The following PRKAR1B variants were observed in gnomAD, a reference collection of about 807,000 sequenced individuals.
The protein encoded by PRKAR1B is cAMP-dependent protein kinase type I-beta regulatory subunit.
A neutral mutation model predicts 46.5 loss-of-function variants in PRKAR1B; 22 were observed. That is an observed-to-expected ratio of 0.47 (90% CI 0.34 to 0.68). The LOEUF (loss-of-function observed/expected upper bound fraction) is 0.68, where lower values mean the gene tolerates loss of function less well. Among genes scored for constraint, PRKAR1B ranks in the 30% least tolerant of loss-of-function variants. PRKAR1B has a pLI of 0.01. For missense variants in PRKAR1B, 445 were observed against 535.6 expected, an observed-to-expected ratio of 0.83 and a Z score of 1.67; for synonymous variants, 259 against 217.7, an observed-to-expected ratio of 1.19 and a Z score of -1.67.
intron 4 of PRKAR1B, among the ~76,000 whole-genome samples, chr7:620,024 T>C (rs1562567562): frequency 6.6e-6 from 1 of 150,642 alleles, no homozygotes; most frequent in Non-Finnish European, 1.5e-5. Context: ...CTACTTTTTT[T>C]TTTTTTTTTT....
intron 2 of PRKAR1B, among the ~76,000 whole-genome samples, chr7:692,125 C>T (rs976671914): frequency 6.6e-6 from 1 of 152,206 alleles, no homozygotes; most frequent in Non-Finnish European, 1.5e-5. Context: ...GTGGGCCAGG[C>T]ATGGTGGCTC....
intron 1 of PRKAR1B, 43 bp downstream of exon 1, chr7:727,166 TG>T: frequency 7.6e-7 from 1 of 1,309,460 alleles, no homozygotes; most frequent in Non-Finnish European, 9.8e-7. Flanking sequence ...GTGCAGCTGC[TG>T]GGCCTGGCCG....
At chr7:662,293 C>T (rs1276838641) in intron 4 of PRKAR1B, among the ~76,000 whole-genome samples, 2 of 114,448 alleles carry the variant, frequency 1.7e-5, no homozygotes, top group Admixed American at 8.4e-5. Flanking sequence ...TACTCTCCCC[C>T]GCAAGGCACA....
chr7:685,385 C>CATATATAT lies in PRKAR1B; in HGVS notation c.178-4667_178-4660dup, dbSNP rs10586228. Among the ~76,000 whole-genome samples, 105 of 79,478 alleles carry CATATATAT rather than the reference C, an allele frequency of 1.3e-3. 10 individuals are homozygous for CATATATAT. Among genetic ancestry groups the CATATATAT allele is most frequent in the Admixed American group, 4.9e-3 (37 of 7,538 alleles). The allele number at this position is 79,478 out of a possible 152,430, so 52.1% of individuals were successfully genotyped here. A position where few individuals can be genotyped will look rare whatever the true frequency, so the allele number is the denominator to read the frequency against. On this transcript the variant is annotated intron_variant, in intron 2 of 10. Coordinates refer to ENST00000537384, the MANE Select transcript of PRKAR1B (RefSeq NM_001164760.2). ...ATATACACATATATATATATACATA[C>CATATATAT]ATATATATATATATATGTATATATA...
At chr7:705,912 G>A (rs1205934763) in intron 2 of PRKAR1B, among the ~76,000 whole-genome samples, 3 of 152,152 alleles carry the variant, frequency 2.0e-5, no homozygotes, top group Non-Finnish European at 4.4e-5. Context: ...TGTAATCCCA[G>A]CTACTCGGGA....
chr7:691,670 A>T (rs1319472127), intron 2 of PRKAR1B: 1 of 1,293,074 alleles, frequency 7.7e-7, no homozygotes, highest in Non-Finnish European at 1.0e-6. Context: ...GCTGTTGGAA[A>T]CCCAGTGCTG....
intron 10 of PRKAR1B, 84 bp from the exon 11 acceptor site, chr7:550,686 G>A: frequency 8.2e-7 from 1 of 1,219,736 alleles, no homozygotes; most frequent in Non-Finnish European, 1.1e-6. Flanking sequence ...GACCCTGGAA[G>A]CGGCTCCCTT....
At position 649,318 on chromosome 7, in the gene PRKAR1B, G is replaced by T. The variant is rs532381608; in HGVS notation, c.440+27911C>A. ...TTTAAAACGTATCTTAATATTTTTT[G>T]ATCTCCCTATCATGCTTCCTTGTAA... is the stretch of plus-strand genomic sequence containing the variant. On this transcript the variant is annotated intron_variant, in intron 4 of 10. Coordinates refer to ENST00000537384, the MANE Select transcript of PRKAR1B (RefSeq NM_001164760.2). Among the ~76,000 whole-genome samples the T allele has an allele frequency of 4.6e-5, 7 of 152,058 alleles. No homozygotes were observed. In the South Asian group the frequency reaches 1.5e-3, roughly 32 times the overall value.
At chr7:721,693 G>A (rs1367980918) in intron 1 of PRKAR1B, among the ~76,000 whole-genome samples, 1 of 151,974 alleles carries the variant, frequency 6.6e-6, no homozygotes, top group Non-Finnish European at 1.5e-5. Flanking sequence ...TATCCTTTAT[G>A]CATTCCTTAA....
At chr7:672,559 A>C (rs1282095528) in intron 4 of PRKAR1B, among the ~76,000 whole-genome samples, 1 of 151,736 alleles carries the variant, frequency 6.6e-6, no homozygotes, top group East Asian at 1.9e-4. Context: ...GATGGTCTTC[A>C]TTACTGTTGC....
intron 4 of PRKAR1B, among the ~76,000 whole-genome samples, chr7:615,402 G>A (rs1201758575): frequency 2.0e-5 from 3 of 151,170 alleles, no homozygotes; most frequent in Admixed American, 2.0e-4. Context: ...GCCAGCCTGG[G>A]AGACAGAGCG....
Position 566,667 on chromosome 7 carries a change from CCTTCATCACCATCACCATCAT to C in PRKAR1B, c.891+12568_891+12588del, listed in dbSNP as rs200763338. Among the ~76,000 whole-genome samples, 5 of 648 alleles carry C rather than the reference CCTTCATCACCATCACCATCAT, an allele frequency of 7.7e-3. 1 individual carries two copies. Among genetic ancestry groups the C allele is most frequent in the East Asian group, 0.5 (1 of 2 alleles). 0.4% of individuals were successfully genotyped at this position (648 alleles called of 152,430 possible). ...ACCTTGATCACCATCATCACCATCA[CCTTCATCACCATCACCATCAT>C]CACCATCACCTTCATCATCATCACC... On this transcript the variant is annotated intron_variant, in intron 9 of 10. Coordinates refer to ENST00000537384, the MANE Select transcript of PRKAR1B (RefSeq NM_001164760.2).
chr7:579,181 G>A lies in PRKAR1B; in HGVS notation c.891+75C>T, dbSNP rs528747240. ...CTCCAGAGGGAGGGTGAGGCGGGCA[G>A]TGGAAGAGGAGAAGGTAAGAAGTGC... is the stretch of plus-strand genomic sequence containing the variant. On this transcript the variant is annotated intron_variant, in intron 9 of 10. Transcript: ENST00000537384. The A allele has an allele frequency of 9.3e-6, 15 of 1,609,486 alleles. No individual in the cohort carries two copies. The African/African-American group carries it at 2.0e-4, about 21-fold the overall frequency.
At chr7:639,164 A>G (rs1296560351) in intron 4 of PRKAR1B, among the ~76,000 whole-genome samples, 2 of 152,200 alleles carry the variant, frequency 1.3e-5, no homozygotes, top group Non-Finnish European at 2.9e-5. Flanking sequence ...TTGAAAAGGA[A>G]CGGAGTAGGG....
intron 1 of PRKAR1B, among the ~76,000 whole-genome samples, chr7:713,608 G>T (rs1780768512): frequency 6.6e-6 from 1 of 151,408 alleles, no homozygotes; most frequent in South Asian, 2.1e-4. Context: ...GCCCTCCCAT[G>T]CTCACCTGGT....
intron 8 of PRKAR1B, among the ~76,000 whole-genome samples, chr7:583,727 TAC>T (rs538900013): frequency 1.5e-3 from 220 of 148,166 alleles, no homozygotes; most frequent in African/African-American, 5.2e-3. Context: ...ACACGCATTC[TAC>T]ACACATGCAC....
rs1779634935 is a variant in PRKAR1B at position 573,352 on chromosome 7, A to C, written c.891+5904T>G. On this transcript the variant is annotated intron_variant, in intron 9 of 10. Coordinates refer to ENST00000537384, the MANE Select transcript of PRKAR1B (RefSeq NM_001164760.2). The stretch of plus-strand genomic sequence containing the variant: ...TCACCTCCCCTCCCGACCCCCACAC[A>C]CTCTGTCAGTGGTCAGGGCACCCTG... Among the ~76,000 whole-genome samples, 4 of 149,628 alleles carry C rather than the reference A, an allele frequency of 2.7e-5. 1 individual carries two copies. In the South Asian group the frequency reaches 8.5e-4, roughly 32 times the overall value.
intron 4 of PRKAR1B, among the ~76,000 whole-genome samples, chr7:637,224 T>C (rs1784160591): frequency 1.3e-5 from 2 of 151,724 alleles, no homozygotes; most frequent in Non-Finnish European, 2.9e-5. Context: ...GAGGCAGAGG[T>C]CTAGCCTACA....
At chr7:640,960 T>C (rs1198654406) in intron 4 of PRKAR1B, among the ~76,000 whole-genome samples, 1 of 151,938 alleles carries the variant, frequency 6.6e-6, no homozygotes, top group Non-Finnish European at 1.5e-5. Flanking sequence ...AAAGAGACAA[T>C]TCTTTTTTTT....
Sources: allele counts gnomAD v4.1 joint callset (sites outside exome capture counted in the v4.1 genomes callset), GRCh38; gene constraint gnomAD v4.1.1; transcripts MANE v1.5; gene names NCBI Gene and HGNC (gene_info 2026-07-23, HGNC 2026-07-21).